PTPRM: variants seen among roughly 807,000 people sequenced by gnomAD.
PTPRM encodes receptor-type tyrosine-protein phosphatase mu.
A neutral mutation model predicts 186.7 loss-of-function variants in PTPRM; 47 were observed. That is an observed-to-expected ratio of 0.25 (90% confidence interval 0.20 to 0.32). The LOEUF is 0.32. Among genes scored for constraint, PTPRM ranks in the 10% least tolerant of loss-of-function variants. The pLI is 1.00. For synonymous variants in PTPRM, 668 were observed against 674.9 expected (o/e 0.99, Z 0.16); for missense variants, 1,494 against 1,865.0 (o/e 0.80, Z 3.66).
chr18:8,289,546 A>G (rs1315580327), intron 19 of PTPRM, among the ~76,000 whole-genome samples: 7 of 104,120 alleles, frequency 6.7e-5, no homozygotes, highest in East Asian at 2.3e-4. Context: ...ACATATATAT[A>G]TATACATATA....
At chr18:7,675,669 T>G (rs1451655417) in intron 1 of PTPRM, among the ~76,000 whole-genome samples, 1 of 152,136 alleles carries the variant, frequency 6.6e-6, no homozygotes, top group Non-Finnish European at 1.5e-5. Flanking sequence ...CAGTAACCTT[T>G]GGAGATATTC....
intron 14 of PTPRM, among the ~76,000 whole-genome samples, chr18:8,172,390 T>G (rs909297900): frequency 5.9e-5 from 9 of 152,020 alleles, no homozygotes; most frequent in African/African-American, 2.2e-4. Flanking sequence ...GTGTCTTCAA[T>G]GTACTGGGAA....
chr18:7,796,134 A>G (rs75804475), intron 2 of PTPRM, among the ~76,000 whole-genome samples: 3,611 of 151,148 alleles, frequency 0.024, 134 homozygotes, highest in African/African-American at 0.084. Flanking sequence ...CTCAAACACC[A>G]CACAGCAATA....
rs1478756974 is a variant in PTPRM at position 8,042,004 on chromosome 18, A to T, written c.1133-27682A>T. ...AGATTTGGAAATGAAAGGGGTTATT[A>T]TAAAGTGATTACTGAATAGCTAGGT... is the stretch of plus-strand genomic sequence containing the variant. On this transcript the variant is annotated intron_variant, in intron 7 of 32. Transcript: ENST00000580170. 3.3e-5 allele frequency among the ~76,000 whole-genome samples: 5 copies of T among 152,214 alleles called. No homozygotes were observed. In the East Asian group the frequency reaches 9.6e-4, roughly 29 times the overall value.
At chr18:8,172,557 C>T (rs751052355) in intron 14 of PTPRM, among the ~76,000 whole-genome samples, 9 of 152,110 alleles carry the variant, frequency 5.9e-5, no homozygotes, top group Non-Finnish European at 1.2e-4. Flanking sequence ...ATGGAGGAAT[C>T]TATACAAGTT....
intron 7 of PTPRM, among the ~76,000 whole-genome samples, chr18:7,960,833 T>G (rs2053631368): frequency 6.6e-6 from 1 of 152,090 alleles, no homozygotes; most frequent in African/African-American, 2.4e-5. Flanking sequence ...ATAAATGTTA[T>G]GAAGAAAAAT....
chr18:7,949,553 A>G (rs1340038903), intron 6 of PTPRM, among the ~76,000 whole-genome samples, 198 bp downstream of exon 6: 2 of 152,202 alleles, frequency 1.3e-5, no homozygotes, highest in East Asian at 1.9e-4. Flanking sequence ...TGTTTTATCT[A>G]TGTTGATTTA....
At chr18:8,032,698 C>A (rs2086060553) in intron 7 of PTPRM, among the ~76,000 whole-genome samples, 1 of 151,974 alleles carries the variant, frequency 6.6e-6, no homozygotes, top group Non-Finnish European at 1.5e-5. Context: ...GATTTGCCCC[C>A]ATCATATATT....
chr18:7,861,360 T>C (rs2047371940), intron 2 of PTPRM, among the ~76,000 whole-genome samples: 1 of 152,090 alleles, frequency 6.6e-6, no homozygotes, highest in African/African-American at 2.4e-5. Context: ...GTATTTATAG[T>C]AATATGAAAA....
At chr18:7,702,568 A>G (rs555470633) in intron 1 of PTPRM, among the ~76,000 whole-genome samples, 1 of 152,042 alleles carries the variant, frequency 6.6e-6, no homozygotes, top group African/African-American at 2.4e-5. Flanking sequence ...TTGTTTAAGT[A>G]CTTTGTTTAA....
intron 14 of PTPRM, among the ~76,000 whole-genome samples, chr18:8,149,017 T>A (rs1370398837): frequency 6.6e-6 from 1 of 152,170 alleles, no homozygotes; most frequent in East Asian, 1.9e-4. Context: ...TCTGAGAGAC[T>A]GTTTGTTATG....
At chr18:8,285,552 T>C (rs2094947378) in intron 19 of PTPRM, among the ~76,000 whole-genome samples, 1 of 152,184 alleles carries the variant, frequency 6.6e-6, no homozygotes, top group Non-Finnish European at 1.5e-5. Context: ...CAGGGAACCT[T>C]GGTTTGAGGC....
intron 19 of PTPRM, among the ~76,000 whole-genome samples, chr18:8,280,420 G>T (rs61326820): frequency 0.17 from 21,081 of 121,928 alleles, 1,714 homozygotes; most frequent in South Asian, 0.22. Context: ...TGGGGGGGGG[G>T]TCACAATTCA....
At chr18:8,379,045 G>C in intron 27 of PTPRM, 122 bp from the exon 28 acceptor site, 1 of 726,320 alleles carries the variant, frequency 1.4e-6, no homozygotes, top group Non-Finnish European at 2.1e-6. Flanking sequence ...GGGTTGGGGA[G>C]GGAGGGGGAA....
intron 7 of PTPRM, among the ~76,000 whole-genome samples, chr18:7,986,109 T>C (rs1052257996): frequency 6.6e-6 from 1 of 152,174 alleles, no homozygotes; most frequent in Non-Finnish European, 1.5e-5. Context: ...AATGCTCAAA[T>C]AGATGGACTA....
intron 5 of PTPRM, among the ~76,000 whole-genome samples, chr18:7,944,261 A>G (rs989599675): frequency 5.9e-5 from 9 of 152,170 alleles, no homozygotes; most frequent in African/African-American, 1.9e-4. Flanking sequence ...CTAGAGGAGA[A>G]AGATGTTACT....
chr18:8,260,981 G>C (rs888685825), intron 19 of PTPRM, among the ~76,000 whole-genome samples: 5 of 152,158 alleles, frequency 3.3e-5, no homozygotes, highest in Admixed American at 1.3e-4. Flanking sequence ...AGGGGCAGGT[G>C]GAATCAAAGG....
chr18:7,824,975 G>C (rs918155401), intron 2 of PTPRM, among the ~76,000 whole-genome samples: 4 of 152,256 alleles, frequency 2.6e-5, no homozygotes, highest in Non-Finnish European at 5.9e-5. Context: ...TACACCAAAT[G>C]CTTAAACATG....
intron 13 of PTPRM, among the ~76,000 whole-genome samples, chr18:8,128,456 A>G (rs2092425460): frequency 6.6e-6 from 1 of 152,140 alleles, no homozygotes; most frequent in Non-Finnish European, 1.5e-5. Flanking sequence ...GGATTCTGAA[A>G]TTTCCTTTCT....
Sources: allele counts gnomAD v4.1 joint callset (sites outside exome capture counted in the v4.1 genomes callset), GRCh38; gene constraint gnomAD v4.1.1; transcripts MANE v1.5; gene names NCBI Gene and HGNC (gene_info 2026-07-23, HGNC 2026-07-21).